COL25A1: variants seen among roughly 807,000 people sequenced by gnomAD.
The protein encoded by COL25A1 is collagen type XXV alpha 1 chain, also known as collagen alpha-1(XXV) chain.
Under a neutral mutation model 128.4 loss-of-function variants are expected in COL25A1, and 103 were observed. The observed-to-expected ratio is 0.80, with a 90% CI of 0.68 to 0.94. COL25A1 has a LOEUF of 0.94. Ranked by LOEUF, COL25A1 falls within the 40% of genes least tolerant of loss-of-function variation. The pLI, the probability that COL25A1 is intolerant of heterozygous loss-of-function variation, is 0.00. For missense variants in COL25A1, 745 were observed against 840.0 expected (o/e 0.89, Z 1.40); for synonymous variants, 279 against 277.2 (o/e 1.01, Z -0.06).
intron 5 of COL25A1, among the ~76,000 whole-genome samples, chr4:109,024,951 C>T (rs888509658): frequency 6.6e-6 from 1 of 152,104 alleles, no homozygotes; most frequent in African/African-American, 2.4e-5. Flanking sequence ...AGTTAAACAC[C>T]AGCGAGAAGA....
chr4:108,904,596 G>T (rs1159043359), intron 13 of COL25A1, among the ~76,000 whole-genome samples: 1 of 151,908 alleles, frequency 6.6e-6, no homozygotes, highest in Non-Finnish European at 1.5e-5. Flanking sequence ...TATCAGAAAG[G>T]TACAAACAAA....
rs1725612040 is a variant in COL25A1 at position 109,302,040 on chromosome 4, CG to C, written c.-22del. On this transcript the variant is annotated 5_prime_UTR_variant, in exon 2 of 38. Transcript: ENST00000399132. ...AGCATCGTGGCGGGGTCGGCCGTCT[CG>C]GCTTCGCTTCCCACCCTCTACACCT... is the stretch of plus-strand genomic sequence containing the variant. 6.4e-7 allele frequency: 1 copy of C among 1,562,724 alleles called. No homozygotes were observed.
chr4:108,869,971 G>A (rs527664712), intron 19 of COL25A1, among the ~76,000 whole-genome samples: 2 of 152,276 alleles, frequency 1.3e-5, no homozygotes, highest in African/African-American at 2.4e-5. Flanking sequence ...TAAAATGTCA[G>A]GCTGGGTGCT....
intron 9 of COL25A1, 68 bp from the exon 10 acceptor site, chr4:108,940,714 A>C (rs1365376814): frequency 9.8e-7 from 1 of 1,017,512 alleles, no homozygotes; most frequent in Non-Finnish European, 1.5e-6. Flanking sequence ...TCTTTTCAGC[A>C]CCTTAAATTT....
chr4:109,240,821 G>T (rs573133291), intron 3 of COL25A1, among the ~76,000 whole-genome samples: 51 of 152,128 alleles, frequency 3.4e-4, no homozygotes, highest in Non-Finnish European at 6.0e-4. Flanking sequence ...GTACATTTAA[G>T]TTGTCTGTCC....
At chr4:108,831,350 C>T (rs956249143) in intron 32 of COL25A1, among the ~76,000 whole-genome samples, 13 of 152,042 alleles carry the variant, frequency 8.6e-5, no homozygotes, top group Non-Finnish European at 1.3e-4. Flanking sequence ...CACATAGTAG[C>T]ATTTGGTAAA....
chr4:109,001,427 A>AGATCCTTTCAGGTAG (rs1755409619), intron 6 of COL25A1, among the ~76,000 whole-genome samples: 1 of 9,780 alleles, frequency 1.0e-4, no homozygotes, highest in Non-Finnish European at 5.9e-4. Context: ...GTAGGCAGTG[A>AGATCCTTTCAGGTAG]GCTAGAGGGT....
intron 3 of COL25A1, among the ~76,000 whole-genome samples, chr4:109,187,200 T>TACACACACAC (rs36159924): frequency 2.7e-5 from 4 of 147,820 alleles, no homozygotes; most frequent in African/African-American, 1.0e-4. Context: ...TCTTGCTCTC[T>TACACACACAC]ACACACACAC....
intron 19 of COL25A1, among the ~76,000 whole-genome samples, chr4:108,878,508 A>G (rs1739725414): frequency 6.6e-6 from 1 of 152,216 alleles, no homozygotes; most frequent in Non-Finnish European, 1.5e-5. Context: ...TGAGGATTAC[A>G]GTAAGAACAT....
At chr4:109,125,562 G>C (rs773524572) in intron 3 of COL25A1, among the ~76,000 whole-genome samples, 5 of 152,052 alleles carry the variant, frequency 3.3e-5, no homozygotes, top group South Asian at 4.1e-4. Flanking sequence ...ACATTTCTTC[G>C]CTTCATTTCT....
At position 109,230,987 on chromosome 4, in the gene COL25A1, A is replaced by C. The variant is rs935696440; in HGVS notation, c.367+69596T>G. Among the ~76,000 whole-genome samples, 4 of 152,158 alleles carry C rather than the reference A, an allele frequency of 2.6e-5. No individual in the cohort carries two copies. The East Asian group carries it at 7.7e-4, about 29-fold the overall frequency. On this transcript the variant is annotated intron_variant, in intron 3 of 37. Coordinates refer to ENST00000399132, the MANE Select transcript of COL25A1 (RefSeq NM_198721.4). ...AACCCCATCTCTACTAAATACAAAA[A>C]AATTAGCCAGGCGTGGTGGCGCATG...
intron 3 of COL25A1, among the ~76,000 whole-genome samples, chr4:109,123,352 T>C (rs1768284466): frequency 6.6e-6 from 1 of 152,016 alleles, no homozygotes; most frequent in African/African-American, 2.4e-5. Flanking sequence ...TCTATAAACT[T>C]TTGCTTACTG....
chr4:108,828,093 A>G (rs36068980), intron 32 of COL25A1, among the ~76,000 whole-genome samples: 15,804 of 152,168 alleles, frequency 0.1, 1,099 homozygotes, highest in African/African-American at 0.18. Context: ...ATCAAAGCAA[A>G]TCTATATAAT....
intron 24 of COL25A1, among the ~76,000 whole-genome samples, chr4:108,858,005 T>C (rs979987393): frequency 6.6e-6 from 1 of 151,980 alleles, no homozygotes; most frequent in African/African-American, 2.4e-5. Context: ...GTGTAGAATT[T>C]ATATGGGAAA....
intron 36 of COL25A1, among the ~76,000 whole-genome samples, chr4:108,817,752 T>G (rs1399038910): frequency 2.0e-5 from 3 of 152,176 alleles, no homozygotes; most frequent in Non-Finnish European, 4.4e-5. Flanking sequence ...ATCTATACTC[T>G]TAATTCCATT....
At chr4:109,295,038 C>T (rs1724838174) in intron 3 of COL25A1, among the ~76,000 whole-genome samples, 1 of 152,000 alleles carries the variant, frequency 6.6e-6, no homozygotes, top group South Asian at 2.1e-4. Flanking sequence ...TATTATGGCC[C>T]TGAGAGGCTT....
chr4:109,080,717 C>T (rs1397280681), intron 3 of COL25A1, among the ~76,000 whole-genome samples: 2 of 152,112 alleles, frequency 1.3e-5, no homozygotes, highest in East Asian at 3.9e-4. Flanking sequence ...CAGACTTAAA[C>T]GGCTTCCTAT....
intron 3 of COL25A1, among the ~76,000 whole-genome samples, chr4:109,097,437 TAA>T (rs35833171): frequency 8.5e-5 from 10 of 117,080 alleles, no homozygotes; most frequent in Admixed American, 8.9e-5. Flanking sequence ...AAACCCTGTC[TAA>T]AAAAAAAAAA....
chr4:109,208,153 A>G (rs962492926), intron 3 of COL25A1, among the ~76,000 whole-genome samples: 1 of 152,190 alleles, frequency 6.6e-6, no homozygotes, highest in Non-Finnish European at 1.5e-5. Context: ...GCTAAAACAT[A>G]ATTAACAACT....
Sources: gnomAD v4.1 joint callset for allele counts (sites outside exome capture counted in the v4.1 genomes callset) on GRCh38, gnomAD v4.1.1 for gene constraint, MANE v1.5 for transcripts, NCBI Gene and HGNC (gene_info 2026-07-23, HGNC 2026-07-21) for gene names.